The following ERBB4 variants were observed in gnomAD, a reference collection of about 807,000 sequenced individuals.
ERBB4 encodes erb-b2 receptor tyrosine kinase 4.
ERBB4 carries 42 observed loss-of-function variants against 158.0 expected under a neutral mutation model. The ratio of observed to expected loss-of-function variants is 0.27; its 90% confidence interval spans 0.21 to 0.34. The LOEUF is 0.34. Ranked by LOEUF, ERBB4 falls within the 10% of genes least tolerant of loss-of-function variation. The probability of loss-of-function intolerance (pLI) is 1.00; values close to 1 mark genes in which losing one functional copy is unlikely to be tolerated. For missense variants in ERBB4, 1,333 were observed against 1,624.1 expected (o/e 0.82, Z 3.08); for synonymous variants, 583 against 558.7 (o/e 1.04, Z -0.61).
At position 211,890,741 on chromosome 2, in the gene ERBB4, G is replaced by A. The variant is rs1489504302; in HGVS notation, c.421+56689C>T. Among the ~76,000 whole-genome samples, 56 of 133,028 alleles carry A rather than the reference G, an allele frequency of 4.2e-4. 1 individual carries two copies. Among genetic ancestry groups the A allele is most frequent in the South Asian group, 2.2e-3 (9 of 4,180 alleles). The allele number at this position is 133,028 out of a possible 152,430, so 87.3% of individuals were successfully genotyped here. On this transcript the variant is annotated intron_variant, in intron 3 of 27. Transcript: ENST00000342788. The stretch of plus-strand genomic sequence containing the variant: ...CCAAGCAAATGGGAAACAAAAAAAG[G>A]CAGGGGTTGCAATCCTAGTCTCTGA...
intron 1 of ERBB4, among the ~76,000 whole-genome samples, chr2:212,158,561 A>G (rs2081111555): frequency 2.0e-5 from 3 of 152,062 alleles, no homozygotes; most frequent in Admixed American, 6.6e-5. Context: ...GCTCAAAAAG[A>G]TAATCTTTTT....
intron 2 of ERBB4, among the ~76,000 whole-genome samples, chr2:212,053,967 G>A (rs1271112699): frequency 6.6e-6 from 1 of 152,166 alleles, no homozygotes; most frequent in Non-Finnish European, 1.5e-5. Flanking sequence ...ATTAGTATAT[G>A]GGGATAAATA....
chr2:212,332,425 C>T (rs1462249404), intron 1 of ERBB4, among the ~76,000 whole-genome samples: 2 of 152,050 alleles, frequency 1.3e-5, no homozygotes, highest in Non-Finnish European at 2.9e-5. Flanking sequence ...CAGACCAATA[C>T]AGTAGTAGCT....
intron 1 of ERBB4, among the ~76,000 whole-genome samples, chr2:212,440,510 C>T (rs779881976): frequency 5.3e-5 from 8 of 152,060 alleles, no homozygotes; most frequent in Non-Finnish European, 1.0e-4. Flanking sequence ...CATATATATC[C>T]TATTAGTTCT....
Position 212,538,495 on chromosome 2 carries a change from G to A in ERBB4, c.36C>T (p.Ser12=). The change falls in exon 1 of 28, where the codon AGC becomes AGT. Residue 12 remains serine (S), a synonymous_variant. Coordinates refer to ENST00000342788, the MANE Select transcript of ERBB4 (RefSeq NM_005235.3). ...GGACGGTCCCCGCCGCCACGAGAAG[G>A]CTCACCCAGACCCAAAGTCCTGTCG... is the stretch of plus-strand genomic sequence containing the variant. ...KPATGLWVWV[S]LLVAAGTVQP... The A allele has an allele frequency of 1.2e-6, 2 of 1,614,092 alleles. No homozygotes were observed. The highest frequency in any genetic ancestry group is 1.7e-6 in the Non-Finnish European group (2 of 1,179,958).
chr2:212,270,508 T>C (rs1698661859), intron 1 of ERBB4, among the ~76,000 whole-genome samples: 1 of 151,804 alleles, frequency 6.6e-6, no homozygotes, highest in South Asian at 2.1e-4. Flanking sequence ...GGTAATTCTT[T>C]GATAGTTCTC....
intron 1 of ERBB4, among the ~76,000 whole-genome samples, chr2:212,172,535 TTAGA>T (rs1370280529): frequency 2.0e-5 from 3 of 152,014 alleles, no homozygotes; most frequent in East Asian, 1.9e-4. Flanking sequence ...CAATTGCAGA[TTAGA>T]TAAAGAAAAT....
At chr2:212,441,434 C>T (rs1410986823) in intron 1 of ERBB4, among the ~76,000 whole-genome samples, 3 of 152,206 alleles carry the variant, frequency 2.0e-5, no homozygotes, top group Non-Finnish European at 4.4e-5. Context: ...CTGTTTGCTT[C>T]TAGACCTATA....
At chr2:211,969,300 T>A (rs561166316) in intron 2 of ERBB4, among the ~76,000 whole-genome samples, 19 of 151,962 alleles carry the variant, frequency 1.3e-4, no homozygotes, top group Non-Finnish European at 2.5e-4. Flanking sequence ...GAAAACAGGA[T>A]CCATTCAGAG....
At chr2:211,896,259 T>C (rs1310036382) in intron 3 of ERBB4, among the ~76,000 whole-genome samples, 1 of 152,180 alleles carries the variant, frequency 6.6e-6, no homozygotes, top group Non-Finnish European at 1.5e-5. Context: ...CTCCTGATTC[T>C]CTCTCTGAAT....
intron 1 of ERBB4, among the ~76,000 whole-genome samples, chr2:212,275,377 A>G (rs139945038): frequency 0.017 from 2,644 of 152,074 alleles, 82 homozygotes; most frequent in African/African-American, 0.061. Flanking sequence ...GAACTCATTT[A>G]GACTCCCACC....
intron 3 of ERBB4, among the ~76,000 whole-genome samples, chr2:211,893,447 C>T (rs2125011543): frequency 7.1e-6 from 1 of 139,864 alleles, no homozygotes; most frequent in South Asian, 2.2e-4. Context: ...GACCTAAAAC[C>T]ATAAAAACCC....
chr2:212,071,599 G>T (rs1232858742), intron 2 of ERBB4, among the ~76,000 whole-genome samples: 6 of 151,996 alleles, frequency 3.9e-5, no homozygotes, highest in African/African-American at 1.4e-4. Flanking sequence ...ATTAAAGCGT[G>T]TAGTTTTACA....
At chr2:212,532,418 G>A (rs929068530) in intron 1 of ERBB4, among the ~76,000 whole-genome samples, 2 of 152,190 alleles carry the variant, frequency 1.3e-5, no homozygotes, top group South Asian at 2.1e-4. Context: ...AGAAACTAGG[G>A]CTATGCCTAT....
chr2:212,183,783 G>A (rs561822750), intron 1 of ERBB4, among the ~76,000 whole-genome samples: 1 of 151,988 alleles, frequency 6.6e-6, no homozygotes, highest in Non-Finnish European at 1.5e-5. Context: ...CAAACCAAGT[G>A]ACCATGAAAT....
At position 212,046,276 on chromosome 2, in the gene ERBB4, T is replaced by TA. The variant is rs756650360; in HGVS notation, c.234+78475dup. ...CTACGAGACACCTAAGAGAATAAAC[T>TA]AATCCCTTCACTTTACAGATGAGGG... is the stretch of plus-strand genomic sequence containing the variant. On this transcript the variant is annotated intron_variant, in intron 2 of 27. Transcript: ENST00000342788. 2.0e-5 allele frequency among the ~76,000 whole-genome samples: 3 copies of TA among 152,282 alleles called. No individual in the cohort carries two copies. The East Asian group carries it at 5.8e-4, about 29-fold the overall frequency.
At chr2:212,365,841 T>G (rs1364314428) in intron 1 of ERBB4, among the ~76,000 whole-genome samples, 1 of 151,864 alleles carries the variant, frequency 6.6e-6, no homozygotes, top group Non-Finnish European at 1.5e-5. Flanking sequence ...AAGTACATAC[T>G]GAGGAGAACA....
chr2:212,058,199 A>G (rs1405855183), intron 2 of ERBB4, among the ~76,000 whole-genome samples: 1 of 152,254 alleles, frequency 6.6e-6, no homozygotes, highest in Admixed American at 6.5e-5. Context: ...GAAGAAGTGG[A>G]TAAATTCCTG....
At chr2:211,924,897 C>G (rs563379346) in intron 3 of ERBB4, among the ~76,000 whole-genome samples, 1 of 152,150 alleles carries the variant, frequency 6.6e-6, no homozygotes, top group Admixed American at 6.6e-5. Flanking sequence ...CCTCTTCAGG[C>G]TACTTGTACC....
Sources: allele counts gnomAD v4.1 joint callset (sites outside exome capture counted in the v4.1 genomes callset), GRCh38; gene constraint gnomAD v4.1.1; transcripts MANE v1.5; gene names NCBI Gene and HGNC (gene_info 2026-07-23, HGNC 2026-07-21).